The following EPB41 variants were observed in gnomAD, a reference collection of about 807,000 sequenced individuals.
EPB41 encodes the protein protein 4.1.
Under a neutral mutation model 108.0 loss-of-function variants are expected in EPB41, and 65 were observed. That is an observed-to-expected ratio of 0.60 (90% CI 0.49 to 0.74). The LOEUF (loss-of-function observed/expected upper bound fraction) is 0.74, where lower values mean the gene tolerates loss of function less well. Ranked by LOEUF, EPB41 falls within the 30% of genes least tolerant of loss-of-function variation. EPB41 has a pLI of 0.00. For missense variants in EPB41, 875 were observed against 1,037.0 expected, an observed-to-expected ratio of 0.84 and a Z score of 2.15; for synonymous variants, 336 against 358.9, an observed-to-expected ratio of 0.94 and a Z score of 0.72.
chr1:29,026,273 G>T (rs910550172), intron 7 of EPB41, among the ~76,000 whole-genome samples: 1 of 152,188 alleles, frequency 6.6e-6, no homozygotes, highest in South Asian at 2.1e-4. Context: ...TGTCAGTAAA[G>T]TGAGACACAA....
At chr1:28,929,867 T>TTTAAAAAA (rs1553170948) in intron 1 of EPB41, among the ~76,000 whole-genome samples, 3 of 136,248 alleles carry the variant, frequency 2.2e-5, no homozygotes, top group South Asian at 4.7e-4. Context: ...TTTTTTTTTT[T>TTTAAAAAA]AAAGACTTTA....
At chr1:29,004,108 A>C (rs553082472) in intron 4 of EPB41, among the ~76,000 whole-genome samples, 1 of 152,326 alleles carries the variant, frequency 6.6e-6, no homozygotes, top group Admixed American at 6.5e-5. Context: ...TGCCACTATG[A>C]ATCAAAATTG....
chr1:28,888,649 A>AC (rs1291867026), intron 1 of EPB41, among the ~76,000 whole-genome samples: 1 of 152,124 alleles, frequency 6.6e-6, no homozygotes, highest in East Asian at 1.9e-4. Context: ...TTCTTTTGAG[A>AC]CGGAGTCTCG....
intron 1 of EPB41, among the ~76,000 whole-genome samples, chr1:28,931,532 T>A (rs1208207894): frequency 8.5e-6 from 1 of 117,850 alleles, no homozygotes; most frequent in Non-Finnish European, 1.8e-5. Flanking sequence ...ACTTTGTAAT[T>A]TTTTTTTTTT....
chr1:29,117,431 A>G lies in EPB41; in HGVS notation c.*619A>G, dbSNP rs1456471565. On this transcript the variant is annotated 3_prime_UTR_variant, in exon 21 of 21. Coordinates refer to ENST00000343067, the MANE Select transcript of EPB41 (RefSeq NM_001376013.1). Reference sequence around the variant, plus strand: ...AGGCAGAGCCCTCTGCTGAGAATGTAGTATTGTTTTTCCCCTCTCCCTCCT... The same window carrying G: ...AGGCAGAGCCCTCTGCTGAGAATGTGGTATTGTTTTTCCCCTCTCCCTCCT... 1.3e-5 allele frequency: 2 copies of G among 152,798 alleles called. No homozygotes were observed. The highest frequency in any genetic ancestry group is 1.9e-4 in the East Asian group (1 of 5,174). 9.5% of individuals were successfully genotyped at this position (152,798 alleles called of 1,614,324 possible).
chr1:28,911,385 TTTCAGAGTAG>T, upstream of EPB41, among the ~76,000 whole-genome samples: 1 of 152,342 alleles, frequency 6.6e-6, no homozygotes, highest in African/African-American at 2.4e-5. Context: ...GCACTCTGAA[TTTCAGAGTAG>T]TTCATACCTG....
At chr1:28,931,349 G>A (rs1222624978) in intron 1 of EPB41, among the ~76,000 whole-genome samples, 1 of 145,074 alleles carries the variant, frequency 6.9e-6, no homozygotes, top group African/African-American at 2.6e-5. Context: ...TCTAGCCTTG[G>A]CAACAGAGTA....
At chr1:29,035,234 C>T (rs905251083) in intron 9 of EPB41, among the ~76,000 whole-genome samples, 7 of 152,140 alleles carry the variant, frequency 4.6e-5, no homozygotes, top group East Asian at 3.9e-4. Context: ...CTGCCCACCT[C>T]GGCCTCCCAA....
chr1:28,982,569 C>T (rs2149456675), intron 1 of EPB41: 1 of 1,504,580 alleles, frequency 6.6e-7, no homozygotes, highest in Non-Finnish European at 9.2e-7. Context: ...AGCGTCCAGC[C>T]AGGACAAGCA....
chr1:28,968,527 T>C (rs950319473), intron 1 of EPB41, among the ~76,000 whole-genome samples: 5 of 152,132 alleles, frequency 3.3e-5, no homozygotes, highest in African/African-American at 1.2e-4. Context: ...AAATTTATGA[T>C]TGTATAGAGA....
upstream of EPB41, among the ~76,000 whole-genome samples, chr1:28,911,776 C>G (rs574399471): frequency 6.6e-6 from 1 of 152,254 alleles, no homozygotes; most frequent in Non-Finnish European, 1.5e-5. Flanking sequence ...GGCATGGTGG[C>G]TCATGCCTGT....
At chr1:29,020,758 A>G (rs1474501555) in intron 7 of EPB41, among the ~76,000 whole-genome samples, 2 of 151,988 alleles carry the variant, frequency 1.3e-5, no homozygotes, top group East Asian at 3.9e-4. Context: ...CCTAGGTTCA[A>G]GTGATCGTCT....
intron 16 of EPB41, among the ~76,000 whole-genome samples, chr1:29,085,900 A>T (rs1275841099): frequency 6.6e-6 from 1 of 152,184 alleles, no homozygotes; most frequent in African/African-American, 2.4e-5. Flanking sequence ...GTTTAATATT[A>T]TATTCCCCTT....
chr1:29,060,848 C>G (rs1356916829), intron 15 of EPB41, among the ~76,000 whole-genome samples: 1 of 151,952 alleles, frequency 6.6e-6, no homozygotes, highest in African/African-American at 2.4e-5. Flanking sequence ...TTGCACTATT[C>G]TTTCATTTTC....
intron 17 of EPB41, among the ~76,000 whole-genome samples, chr1:29,099,729 T>C (rs1338249635): frequency 6.6e-6 from 1 of 152,250 alleles, no homozygotes; most frequent in East Asian, 1.9e-4. Flanking sequence ...AGAAAAACAG[T>C]TCCCTCTATA....
intron 4 of EPB41, among the ~76,000 whole-genome samples, chr1:29,001,717 C>A (rs932992365): frequency 3.3e-5 from 5 of 152,114 alleles, no homozygotes; most frequent in Non-Finnish European, 7.4e-5. Flanking sequence ...AAGGCCAGAG[C>A]CATTTTGATT....
intron 20 of EPB41, among the ~76,000 whole-genome samples, chr1:29,116,497 G>GA (rs1282389850): frequency 6.6e-6 from 1 of 152,204 alleles, no homozygotes; most frequent in Non-Finnish European, 1.5e-5. Flanking sequence ...AGCCAGAGGA[G>GA]AAAAAACCAA....
At chr1:29,047,253 C>CTTTTTTTTTTTTTTTTTTTTTTT (rs755248112) in intron 11 of EPB41, among the ~76,000 whole-genome samples, 14 of 100,530 alleles carry the variant, frequency 1.4e-4, no homozygotes, top group African/African-American at 2.0e-4. Context: ...TCTTTCTTTC[C>CTTTTTTTTTTTTTTTTTTTTTTT]TTTTTTTTTT....
intron 1 of EPB41, among the ~76,000 whole-genome samples, chr1:28,952,290 G>A (rs996037127): frequency 1.3e-5 from 2 of 152,054 alleles, no homozygotes; most frequent in Non-Finnish European, 2.9e-5. Flanking sequence ...CACTGTGGGA[G>A]GCCAAGGCAG....
Sources: gnomAD v4.1 joint callset for allele counts (sites outside exome capture counted in the v4.1 genomes callset) on GRCh38, gnomAD v4.1.1 for gene constraint, MANE v1.5 for transcripts, NCBI Gene and HGNC (gene_info 2026-07-23, HGNC 2026-07-21) for gene names.